Variants in CARD9 observed in about 807,000 individuals in gnomAD.
CARD9 encodes the protein caspase recruitment domain-containing protein 9.
A neutral mutation model predicts 66.0 loss-of-function variants in CARD9; 53 were observed. That is an observed-to-expected ratio of 0.80 (90% CI 0.64 to 1.01). The LOEUF (loss-of-function observed/expected upper bound fraction) is 1.01. CARD9 is among the 50% of genes least tolerant of loss of function. The pLI is 0.00. For synonymous variants in CARD9, 387 were observed against 313.8 expected (o/e 1.23, Z -2.47); for missense variants, 769 against 743.2 (o/e 1.03, Z -0.40).
chr9:136,370,658 C>T lies in CARD9; in HGVS notation c.671G>A (p.Cys224Tyr), dbSNP rs1346520191. Reference sequence around the variant, plus strand: ...CAGCGTGTGCTTGCGCTCCACCTTGCAGTCGTCCTCGGCCTTCATGAGGCT... The same window carrying T: ...CAGCGTGTGCTTGCGCTCCACCTTGTAGTCGTCCTCGGCCTTCATGAGGCT... Reference protein sequence around the residue: ...KHSLMKAEDDCKVERKHTLKL... With the variant: ...KHSLMKAEDDYKVERKHTLKL... The change falls in exon 5 of 13, where the codon TGC becomes TAC. Residue 224 changes from cysteine to tyrosine, a missense_variant. Transcript: ENST00000371732. 6.2e-7 allele frequency: 1 copy of T among 1,612,782 alleles called. No individual in the cohort carries two copies. The highest frequency in any genetic ancestry group is 8.5e-7 in the Non-Finnish European group (1 of 1,179,904).
chr9:136,368,474 C>T (rs1377101977), intron 7 of CARD9, among the ~76,000 whole-genome samples: 1 of 152,226 alleles, frequency 6.6e-6, no homozygotes, highest in African/African-American at 2.4e-5. Context: ...GGGGCTGAGA[C>T]AGGAGCTCTG....
chr9:136,364,565 G>A lies in CARD9; in HGVS notation c.1435-6C>T, dbSNP rs1436505855. ...CCGCTGCTCAGGCCTGCGTCCTGGA[G>A]AAGGGGGAAGGCTCGGGCTCCGGCC... On this transcript the variant is annotated splice_region_variant and splice_polypyrimidine_tract_variant and intron_variant, in intron 11 of 12. Coordinates refer to ENST00000371732, the MANE Select transcript of CARD9 (RefSeq NM_052813.5). 7.2e-6 allele frequency: 11 copies of A among 1,537,100 alleles called. No individual in the cohort carries two copies. The highest frequency in any genetic ancestry group is 2.2e-4 in the Middle Eastern group (1 of 4,640).
intron 10 of CARD9, 26 bp from the exon 11 acceptor site, chr9:136,365,243 G>C (rs370302466): frequency 2.9e-5 from 47 of 1,603,106 alleles, no homozygotes; most frequent in Non-Finnish European, 3.8e-5. Flanking sequence ...GTGCCTGTGG[G>C]ACCTGCCCAT....
chr9:136,365,442 C>T (rs1450910044), intron 10 of CARD9: 1 of 581,300 alleles, frequency 1.7e-6, no homozygotes, highest in African/African-American at 1.9e-5. Flanking sequence ...AGCCCAGGCC[C>T]AACGCTCCCG....
intron 2 of CARD9, 134 bp downstream of exon 2, chr9:136,371,761 C>T: frequency 2.1e-6 from 3 of 1,428,552 alleles, no homozygotes; most frequent in Non-Finnish European, 2.8e-6. Context: ...GAGGTTGGGC[C>T]TCAGTCAGAG....
In CARD9 at chr9:136,364,718, G is replaced by A. The variant is rs970168625; in HGVS notation, c.1435-159C>T. ...CAAGCTCTCCCTGTGGGACCTGCCT[G>A]TACCCCTGGAGGTGAGCCGGTGTGG... On this transcript the variant is annotated intron_variant, in intron 11 of 12. Transcript: ENST00000371732. The A allele has an allele frequency of 7.0e-6, 5 of 718,274 alleles. 1 individual carries two copies. In the African/African-American group the frequency reaches 7.2e-5, roughly 10 times the overall value. The allele number at this position is 718,274 out of a possible 1,614,324, so 44.5% of individuals were successfully genotyped here. A position where few individuals can be genotyped will look rare whatever the true frequency, so the allele number is the denominator to read the frequency against.
chr9:136,366,785 C>CT lies in CARD9; in HGVS notation c.1357+14dup. The CT allele has an allele frequency of 1.2e-6, 2 of 1,612,962 alleles. No homozygotes were observed. Among genetic ancestry groups the CT allele is most frequent in the Non-Finnish European group, 1.7e-6 (2 of 1,179,852 alleles). On this transcript the variant is annotated intron_variant, in intron 10 of 12. Transcript: ENST00000371732. ...AGCTGGGAGGCCTCTGGGTGTACTGCTGTCCCCACCTCACCTTTGTCTGAG... is the reference window on the plus strand; with the variant it reads ...AGCTGGGAGGCCTCTGGGTGTACTGCTTGTCCCCACCTCACCTTTGTCTGAG...
rs1833162180 is a variant in CARD9, at chr9:136,367,820, G to A, written c.1086C>T (p.Ala362=). 2 of 1,599,726 alleles carry A rather than the reference G, an allele frequency of 1.3e-6. No homozygotes were observed. Among genetic ancestry groups the A allele is most frequent in the East Asian group, 2.2e-5 (1 of 44,782 alleles). ...GCTGTGCGTGCAGCTCCTCCCGCGT[G>A]GCTATGGCCTGACGGGACAGCACAA... ...EVAIERDQAI[A]TREELHAQHA... The change falls in exon 8 of 13, where the codon GCC becomes GCT. Residue 362 remains alanine (A), a synonymous_variant. Coordinates refer to ENST00000371732, the MANE Select transcript of CARD9 (RefSeq NM_052813.5).
In CARD9 at chr9:136,372,189, C is replaced by T. The variant is rs369249970; in HGVS notation, c.-16-95G>A. The T allele has an allele frequency of 2.0e-5, 30 of 1,521,524 alleles. No homozygotes were observed. In the African/African-American group the frequency reaches 3.4e-4, roughly 17 times the overall value. 94.3% of individuals were successfully genotyped at this position (1,521,524 alleles called of 1,614,324 possible). ...TTCTCAGACGCTGGGCCAGGGCTCT[C>T]GTCAGGGCATCGAGGGGGATCAGCC... On this transcript the variant is annotated intron_variant, in intron 1 of 12. Transcript: ENST00000371732.
rs1205592327 is a variant in CARD9, at chr9:136,363,961, G to A, written c.*341C>T. On this transcript the variant is annotated 3_prime_UTR_variant, in exon 13 of 13. Coordinates refer to ENST00000371732, the MANE Select transcript of CARD9 (RefSeq NM_052813.5). ...CGCGAGTGTCCGAGCGGGAATGCGG[G>A]TCACCCGTGCTGTTTATTTACGCAG... The A allele has an allele frequency of 9.7e-7, 1 of 1,028,326 alleles. No individual in the cohort carries two copies. The highest frequency in any genetic ancestry group is 1.5e-6 in the Non-Finnish European group (1 of 679,992). The allele number at this position is 1,028,326 out of a possible 1,614,324, so 63.7% of individuals were successfully genotyped here. A position where few individuals can be genotyped will look rare whatever the true frequency, so the allele number is the denominator to read the frequency against.
intron 11 of CARD9, 61 bp downstream of exon 11, chr9:136,365,080 C>T: frequency 6.5e-7 from 1 of 1,544,744 alleles, no homozygotes; most frequent in Non-Finnish European, 8.9e-7. Flanking sequence ...GAGCCACTCT[C>T]CCTGTGATCG....
intron 6 of CARD9, 44 bp from the exon 7 acceptor site, chr9:136,369,919 C>A: frequency 1.9e-6 from 3 of 1,606,494 alleles, no homozygotes; most frequent in Non-Finnish European, 2.5e-6. Context: ...TGAGGCCCCC[C>A]ATTCTGGCCC....
rs1265712771 is a variant in CARD9 at position 136,371,925 on chromosome 9, G to A, written c.154C>T (p.Pro52Ser). ...PDDEEQVLSD[P>S]NLVIRKRKVG... is the part of the protein sequence containing the mutation. ...TTCCGTTTGCGGATGACCAGGTTGG[G>A]GTCGCTGAGCACCTGCTCCTCATCA... Residue 52 changes from proline (P) to serine (S), a missense_variant, in exon 2 of 13, where the codon CCC (proline) becomes TCC (serine). Transcript: ENST00000371732. The A allele has an allele frequency of 6.2e-7, 1 of 1,607,384 alleles. No homozygotes were observed. Among genetic ancestry groups the A allele is most frequent in the Admixed American group, 1.7e-5 (1 of 59,884 alleles).
chr9:136,372,158 C>T, intron 1 of CARD9, 64 bp from the exon 2 acceptor site: 4 of 1,582,680 alleles, frequency 2.5e-6, no homozygotes, highest in Non-Finnish European at 3.4e-6. Flanking sequence ...GCCCAGCTCC[C>T]ACTCCTTCTC....
rs897964540 is a variant in CARD9 at position 136,364,195 on chromosome 9, A to G, written c.*107T>C. 5 of 1,550,518 alleles carry G rather than the reference A, an allele frequency of 3.2e-6. No individual in the cohort carries two copies. Among genetic ancestry groups the G allele is most frequent in the Non-Finnish European group, 4.4e-6 (5 of 1,146,794 alleles). On this transcript the variant is annotated 3_prime_UTR_variant, in exon 13 of 13. Coordinates refer to ENST00000371732, the MANE Select transcript of CARD9 (RefSeq NM_052813.5). ...GGCACCAGATTCCTCGTTCCAGGCC[A>G]AGTCAGCGACGGCTCGGGGAAGTCT...
In CARD9 at chr9:136,364,410, A is replaced by G. The variant is rs1201296952; in HGVS notation, c.1512-9T>C. ...TCCTGAGGGCGCGCTTCCTGTGAAG[A>G]CAGGTGTCTCAGGCGCGACCCGGCT... On this transcript the variant is annotated splice_polypyrimidine_tract_variant and intron_variant, in intron 12 of 12. Transcript: ENST00000371732. 3 of 1,548,150 alleles carry G rather than the reference A, an allele frequency of 1.9e-6. No homozygotes were observed. The highest frequency in any genetic ancestry group is 2.6e-6 in the Non-Finnish European group (3 of 1,149,440).
chr9:136,367,173 G>C (rs1164172420), intron 9 of CARD9, 43 bp downstream of exon 9: 1 of 1,600,274 alleles, frequency 6.2e-7, no homozygotes, highest in Middle Eastern at 1.7e-4. Context: ...CAGGACCCCA[G>C]GTGAAGGAAG....
At chr9:136,367,614 C>T in intron 8 of CARD9, 23 bp downstream of exon 8, 1 of 1,556,096 alleles carries the variant, frequency 6.4e-7, no homozygotes, top group Non-Finnish European at 8.7e-7. Context: ...GGCTCCCCTC[C>T]CTGCCGCAGG....
In CARD9 at chr9:136,367,670, C is replaced by T; in HGVS notation, c.1236G>A (p.Arg412=). 1.3e-6 allele frequency: 2 copies of T among 1,597,672 alleles called. No homozygotes were observed. Among genetic ancestry groups the T allele is most frequent in the South Asian group, 1.1e-5 (1 of 89,782 alleles). ...GCGTCTCCAGCTGCTGCCGCCTGAG[C>T]CTGCCCTCCACGGCCAGTAGCTGCG... ...CEAQLLAVEG[R]LRRQQLETLV... Residue 412 remains arginine (R), a synonymous_variant, in exon 8 of 13, where the codon AGG becomes AGA. Coordinates refer to ENST00000371732, the MANE Select transcript of CARD9 (RefSeq NM_052813.5).
Sources: allele counts gnomAD v4.1 joint callset (sites outside exome capture counted in the v4.1 genomes callset), GRCh38; gene constraint gnomAD v4.1.1; transcripts MANE v1.5; gene names NCBI Gene and HGNC (gene_info 2026-07-23, HGNC 2026-07-21).